The following FAM83G variants were observed in gnomAD, a reference collection of about 807,000 sequenced individuals.
FAM83G encodes scaffolding CK1 anchoring protein G.
A neutral mutation model predicts 61.5 loss-of-function variants in FAM83G; 38 were observed. That is an observed-to-expected ratio of 0.62 (90% CI 0.48 to 0.81). The LOEUF (loss-of-function observed/expected upper bound fraction) is 0.81, where lower values mean the gene tolerates loss of function less well. FAM83G is among the 30% of genes least tolerant of loss of function. FAM83G has a pLI of 0.00. For missense variants in FAM83G, 989 were observed against 1,133.6 expected (o/e 0.87, Z 1.83); for synonymous variants, 470 against 476.1 (o/e 0.99, Z 0.17).
At chr17:18,980,309 G>C (rs1416681224) in intron 3 of FAM83G, among the ~76,000 whole-genome samples, 1 of 152,180 alleles carries the variant, frequency 6.6e-6, no homozygotes, top group East Asian at 1.9e-4. Flanking sequence ...ACCCAGGCCA[G>C]GTCCTGTAAA....
intron 2 of FAM83G, among the ~76,000 whole-genome samples, chr17:18,997,746 C>T (rs2043603233): frequency 6.6e-6 from 1 of 152,200 alleles, no homozygotes; most frequent in Non-Finnish European, 1.5e-5. Context: ...AGGGAGCTCA[C>T]CACTTCCACC....
At chr17:18,991,701 G>A (rs2043429578) in intron 2 of FAM83G, among the ~76,000 whole-genome samples, 2 of 152,228 alleles carry the variant, frequency 1.3e-5, no homozygotes, top group East Asian at 3.8e-4. Context: ...CTGCACCCCA[G>A]GTACCGTTGT....
chr17:18,969,491 C>T lies in FAM83G; in HGVS notation c.*1868G>A, dbSNP rs1038304945. On this transcript the variant is annotated 3_prime_UTR_variant, in exon 6 of 6. Coordinates refer to ENST00000388995, the MANE Select transcript of FAM83G (RefSeq NM_001039999.3). The stretch of plus-strand genomic sequence containing the variant: ...GAGCCCTTTGGAGTCTGGCACTGCC[C>T]GGCACTGTGCAGGATTCATGCCGTT... The T allele has an allele frequency of 1.5e-5, 21 of 1,430,054 alleles. No individual in the cohort carries two copies. The highest frequency in any genetic ancestry group is 8.4e-5 in the African/African-American group (6 of 71,356). 88.6% of individuals were successfully genotyped at this position (1,430,054 alleles called of 1,614,324 possible). A position where few individuals can be genotyped will look rare whatever the true frequency, so the allele number is the denominator to read the frequency against.
intron 5 of FAM83G, among the ~76,000 whole-genome samples, chr17:18,975,501 C>T: frequency 6.6e-6 from 1 of 151,840 alleles, no homozygotes; most frequent in East Asian, 1.9e-4. Context: ...ACCAGCCTGA[C>T]CAACATGGTA....
At chr17:18,975,353 T>C (rs2042950353) in intron 5 of FAM83G, among the ~76,000 whole-genome samples, 2 of 152,170 alleles carry the variant, frequency 1.3e-5, no homozygotes, top group African/African-American at 2.4e-5. Context: ...GGGTAAATGC[T>C]GGGAGCCGTC....
At chr17:18,976,538 C>A (rs2042984800) in intron 5 of FAM83G, 1 of 350,750 alleles carries the variant, frequency 2.9e-6, no homozygotes, top group Non-Finnish European at 5.2e-6. Context: ...ACCACCCCAC[C>A]CAGGGTCTCC....
upstream of FAM83G, among the ~76,000 whole-genome samples, chr17:19,005,972 C>A (rs1330383167): frequency 6.6e-6 from 1 of 152,188 alleles, no homozygotes; most frequent in East Asian, 1.9e-4. Flanking sequence ...TACTGTGGAT[C>A]CCCTGTAAGA....
At chr17:18,998,775 C>G (rs1447138037) in intron 2 of FAM83G, among the ~76,000 whole-genome samples, 1 of 152,218 alleles carries the variant, frequency 6.6e-6, no homozygotes, top group Non-Finnish European at 1.5e-5. Flanking sequence ...GTGGTGGGAG[C>G]CTGGGCCAGC....
At position 18,971,835 on chromosome 17, in the gene FAM83G, G is replaced by T; in HGVS notation, c.2083-87C>A. 1 of 1,440,896 alleles carries T rather than the reference G, an allele frequency of 6.9e-7. No homozygotes were observed. Among genetic ancestry groups the T allele is most frequent in the Non-Finnish European group, 9.3e-7 (1 of 1,080,842 alleles). 89.3% of individuals were successfully genotyped at this position (1,440,896 alleles called of 1,614,324 possible). A position where few individuals can be genotyped will look rare whatever the true frequency, so the allele number is the denominator to read the frequency against. On this transcript the variant is annotated intron_variant, in intron 5 of 5. Coordinates refer to ENST00000388995, the MANE Select transcript of FAM83G (RefSeq NM_001039999.3). The surrounding 1 kb of genome is among the most constrained non-coding windows in gnomAD (Gnocchi z 5.5). ...GACCCTGCTCAGGCACACAGGAGCC[G>T]GCAGGCCCGGGTTCGCCTCCTGGCT... is the stretch of plus-strand genomic sequence containing the variant.
chr17:19,004,045 G>C lies in FAM83G; in HGVS notation c.-4C>G, dbSNP rs2043809902. 6.3e-7 allele frequency: 1 copy of C among 1,578,382 alleles called. No homozygotes were observed. Among genetic ancestry groups the C allele is most frequent in the Non-Finnish European group, 8.6e-7 (1 of 1,160,018 alleles). ...ACTGCACCTGAGAGAAGGCCATGGC[G>C]CCGCCTGCCCGGGCACTGCTGCCGG... On this transcript the variant is annotated 5_prime_UTR_variant, in exon 2 of 6. Transcript: ENST00000388995. This position sits in a 1 kb window ranked among gnomAD's most constrained non-coding sequence, Gnocchi z 5.4.
chr17:18,997,989 T>C (rs2043611537), intron 2 of FAM83G, among the ~76,000 whole-genome samples: 2 of 152,234 alleles, frequency 1.3e-5, no homozygotes, highest in South Asian at 4.1e-4. Context: ...GCCAAGCAAC[T>C]ATCTCCAAGC....
Position 19,003,800 on chromosome 17 carries a change from G to T in FAM83G, c.242C>A (p.Pro81His). Residue 81 changes from proline to histidine, a missense_variant, in exon 2 of 6, where the codon CCT becomes CAT. Physicochemically the swap from Pro to His is moderately conservative, Grantham distance 77. This residue lies in a region of FAM83G where 371 missense variants were observed against 404.5 expected (regional missense o/e 0.92). Transcript: ENST00000388995. This position sits in a 1 kb window ranked among gnomAD's most constrained non-coding sequence, Gnocchi z 4.5. Reference sequence around the variant, plus strand: ...CCCCTGAGAGGGGCCCGTGCCCCGAGGGTCCTCAGAGCCCGGGTCGTACAC... The same window carrying T: ...CCCCTGAGAGGGGCCCGTGCCCCGATGGTCCTCAGAGCCCGGGTCGTACAC... ...IEVYDPGSED[P>H]RGTGPSQGPE... 1 of 1,612,590 alleles carries T rather than the reference G, an allele frequency of 6.2e-7. No homozygotes were observed. The highest frequency in any genetic ancestry group is 8.5e-7 in the Non-Finnish European group (1 of 1,179,744).
intron 2 of FAM83G, among the ~76,000 whole-genome samples, chr17:18,991,610 C>A (rs1432083812): frequency 6.6e-6 from 1 of 152,232 alleles, no homozygotes. Context: ...TGAGCTTGTT[C>A]CGCTCCTGAG....
At chr17:18,992,219 C>A (rs924577709) in intron 2 of FAM83G, among the ~76,000 whole-genome samples, 1 of 152,198 alleles carries the variant, frequency 6.6e-6, no homozygotes, top group Non-Finnish European at 1.5e-5. Flanking sequence ...CTTCTCCACC[C>A]TGCCTTCTGC....
intron 4 of FAM83G, 39 bp downstream of exon 4, chr17:18,979,510 G>A (rs570587608): frequency 3.1e-6 from 5 of 1,608,394 alleles, no homozygotes; most frequent in East Asian, 2.2e-5. Context: ...GGAGCCAGAG[G>A]TACCTCTCGC....
At chr17:18,985,073 G>A (rs986033684) in intron 3 of FAM83G, among the ~76,000 whole-genome samples, 9 of 152,226 alleles carry the variant, frequency 5.9e-5, no homozygotes, top group Admixed American at 3.3e-4. Flanking sequence ...GGAGCCGAGT[G>A]AGGGTGAACC....
At chr17:18,993,374 G>A (rs1364171975) in intron 2 of FAM83G, among the ~76,000 whole-genome samples, 3 of 152,206 alleles carry the variant, frequency 2.0e-5, no homozygotes, top group Non-Finnish European at 4.4e-5. Flanking sequence ...TATCACTTGC[G>A]TATTTCTTCT....
rs769121145 is a variant in FAM83G at position 19,004,068 on chromosome 17, C to A, written c.-27G>T. 3.5e-5 allele frequency: 55 copies of A among 1,557,206 alleles called. No individual in the cohort carries two copies. Among genetic ancestry groups the A allele is most frequent in the Non-Finnish European group, 4.7e-5 (54 of 1,151,140 alleles). Reference sequence around the variant, plus strand: ...GCGCCGCCTGCCCGGGCACTGCTGCCGGGGGTGGGTGGGCAAGGTCCAGCT... The same window carrying A: ...GCGCCGCCTGCCCGGGCACTGCTGCAGGGGGTGGGTGGGCAAGGTCCAGCT... On this transcript the variant is annotated 5_prime_UTR_variant, in exon 2 of 6. Transcript: ENST00000388995. This position sits in a 1 kb window ranked among gnomAD's most constrained non-coding sequence, Gnocchi z 5.4.
upstream of FAM83G, among the ~76,000 whole-genome samples, chr17:19,005,815 G>T (rs2043870983): frequency 6.6e-6 from 1 of 152,148 alleles, no homozygotes; most frequent in Admixed American, 6.5e-5. Flanking sequence ...GCCCCCCAAG[G>T]GCTTTATGCT....
Sources: allele counts gnomAD v4.1 joint callset (sites outside exome capture counted in the v4.1 genomes callset), GRCh38; gene constraint gnomAD v4.1.1; regional missense constraint gnomAD v4.1.1; non-coding constraint Gnocchi (gnomAD v3.1); transcripts MANE v1.5; gene names NCBI Gene and HGNC (gene_info 2026-07-23, HGNC 2026-07-21).